Variants in TENM1 observed in about 807,000 individuals in gnomAD.
TENM1 encodes teneurin-1.
In TENM1, 35 loss-of-function variants were observed where a neutral mutation model predicts 174.8. The ratio of observed to expected loss-of-function variants is 0.20; its 90% CI spans 0.15 to 0.27. The LOEUF (loss-of-function observed/expected upper bound fraction) is 0.27. TENM1 is among the 10% of genes least tolerant of loss of function. The probability of loss-of-function intolerance (pLI) is 1.00; values close to 1 mark genes in which losing one functional copy is unlikely to be tolerated. For synonymous variants in TENM1, 781 were observed against 798.7 expected, an observed-to-expected ratio of 0.98 and a Z score of 0.37; for missense variants, 1,633 against 2,130.1, an observed-to-expected ratio of 0.77 and a Z score of 4.59.
intron 11 of TENM1, among the ~76,000 whole-genome samples, chrX:124,595,528 C>T (rs2049870036): frequency 9.0e-6 from 1 of 111,415 alleles, no homozygotes; most frequent in African/African-American, 3.3e-5. Context: ...ACTATAGCCA[C>T]AAATAAAAAC....
intron 3 of TENM1, among the ~76,000 whole-genome samples, chrX:124,890,357 T>C (rs1255619352): frequency 9.0e-6 from 1 of 111,679 alleles, no homozygotes; most frequent in Non-Finnish European, 1.9e-5. Flanking sequence ...GATACTTAAG[T>C]AGGACTGTCA....
intron 22 of TENM1, among the ~76,000 whole-genome samples, chrX:124,459,216 A>G (rs2061141411): frequency 8.9e-6 from 1 of 111,926 alleles, no homozygotes; most frequent in South Asian, 3.7e-4. Flanking sequence ...ATTCTAGATG[A>G]GCCTAGTATG....
At chrX:124,980,420 C>T in the TENM1 span, among the ~76,000 whole-genome samples, 3 of 110,301 alleles carry the variant, frequency 2.7e-5, no homozygotes, top group Non-Finnish European at 3.8e-5. Flanking sequence ...TACCATAAGT[C>T]GAAAATGCAT....
intron 21 of TENM1, among the ~76,000 whole-genome samples, chrX:124,485,047 G>A (rs2147945039): frequency 9.0e-6 from 1 of 110,974 alleles, no homozygotes; most frequent in Non-Finnish European, 1.9e-5. Context: ...GAGGGGAGAG[G>A]GTGGTGAGAA....
At chrX:125,185,716 A>G in the TENM1 span, among the ~76,000 whole-genome samples, 5 of 112,285 alleles carry the variant, frequency 4.5e-5, no homozygotes, top group African/African-American at 1.3e-4. Context: ...ATTCCTGTAA[A>G]CAAATTAGGC....
chrX:124,580,052 T>C (rs2049263627), intron 11 of TENM1, among the ~76,000 whole-genome samples: 1 of 111,182 alleles, frequency 9.0e-6, no homozygotes, highest in Non-Finnish European at 1.9e-5. Context: ...GAGCTTACAG[T>C]TGTGTGTGGG....
intron 14 of TENM1, among the ~76,000 whole-genome samples, chrX:124,552,655 G>A (rs759839318): frequency 2.7e-5 from 3 of 111,835 alleles, no homozygotes; most frequent in Non-Finnish European, 5.6e-5. Flanking sequence ...TCTGAACAAT[G>A]ACTTATTACC....
intron 27 of TENM1, among the ~76,000 whole-genome samples, chrX:124,403,123 A>C (rs1458989978): frequency 9.0e-6 from 1 of 110,927 alleles, no homozygotes; most frequent in Non-Finnish European, 1.9e-5. Flanking sequence ...TGCACATACA[A>C]ATTTCAGTAG....
chrX:124,720,119 G>A (rs749748249), intron 4 of TENM1, among the ~76,000 whole-genome samples: 3 of 111,282 alleles, frequency 2.7e-5, no homozygotes, highest in Non-Finnish European at 3.8e-5. Flanking sequence ...AAATTCGAAG[G>A]CCCCAAATCA....
intron 1 of TENM1, among the ~76,000 whole-genome samples, chrX:124,923,561 C>T (rs6649299): frequency 0.074 from 8,205 of 111,397 alleles, 711 homozygotes; most frequent in African/African-American, 0.25. Context: ...CCACAACATA[C>T]AAATATGTTA....
chrX:125,187,047 G>A, the TENM1 span, among the ~76,000 whole-genome samples: 1 of 111,854 alleles, frequency 8.9e-6, no homozygotes, highest in Non-Finnish European at 1.9e-5. Context: ...TGGATCACGA[G>A]GTCAGGAGTT....
At chrX:124,586,319 C>T (rs1452323353) in intron 11 of TENM1, among the ~76,000 whole-genome samples, 1 of 108,643 alleles carries the variant, frequency 9.2e-6, no homozygotes, top group Non-Finnish European at 1.9e-5. Context: ...TCCAGCAGCA[C>T]ATCAAAAAGC....
chrX:124,456,239 C>T (rs1229554833), intron 22 of TENM1, among the ~76,000 whole-genome samples: 1 of 111,897 alleles, frequency 8.9e-6, no homozygotes, highest in East Asian at 2.8e-4. Flanking sequence ...TTATCATGGT[C>T]CAAATTCCAA....
chrX:124,420,642 G>A lies in TENM1; in HGVS notation c.4651C>T (p.Leu1551=), dbSNP rs977074557. The A allele has an allele frequency of 2.5e-6, 3 of 1,210,148 alleles. No homozygotes were observed. Among genetic ancestry groups the A allele is most frequent in the Non-Finnish European group, 3.4e-6 (3 of 895,018 alleles). The change falls in exon 25 of 32, where the codon CTG becomes TTG. Residue 1551 remains leucine (L), a synonymous_variant. Transcript: ENST00000422452. ...GTTCCATTTACAGTGAACTGGTACA[G>A]TTCCTGATCAGCGGGTGAAGCAATC...
At chrX:124,561,850 G>A in intron 13 of TENM1, 33 bp from the exon 17 acceptor site, 4 of 1,198,360 alleles carry the variant, frequency 3.3e-6, no homozygotes, top group Non-Finnish European at 4.5e-6. Flanking sequence ...CCATCACAGA[G>A]ACATCAGAAT....
intron 11 of TENM1, among the ~76,000 whole-genome samples, chrX:124,593,703 C>T (rs2049819676): frequency 8.9e-6 from 1 of 111,931 alleles, no homozygotes; most frequent in African/African-American, 3.3e-5. Context: ...GCACCATGAC[C>T]TCAGGGGAGC....
chrX:124,804,177 AG>A (rs768659353), intron 3 of TENM1, among the ~76,000 whole-genome samples: 123 of 112,323 alleles, frequency 1.1e-3, no homozygotes, highest in Non-Finnish European at 2.1e-3. Context: ...CCTGCCTGCC[AG>A]GAATAACACA....
exon 30 of TENM1, chrX:124,383,698 G>A: frequency 8.3e-7 from 1 of 1,209,569 alleles, no homozygotes; most frequent in Non-Finnish European, 1.1e-6. Context: ...AGGAGTAGAG[G>A]TTGAATGGTT....
At chrX:124,818,704 T>C (rs755866760) in intron 3 of TENM1, among the ~76,000 whole-genome samples, 2 of 111,878 alleles carry the variant, frequency 1.8e-5, no homozygotes, top group East Asian at 5.6e-4. Flanking sequence ...ACATGAACTG[T>C]TTTATGTACT....
Sources: allele counts gnomAD v4.1 joint callset (sites outside exome capture counted in the v4.1 genomes callset), GRCh38; gene constraint gnomAD v4.1.1; transcripts MANE v1.5; gene names NCBI Gene and HGNC (gene_info 2026-07-23, HGNC 2026-07-21).